ZBBX: variants seen among roughly 807,000 people sequenced by gnomAD.
ZBBX encodes zinc finger B-box domain-containing protein 1.
ZBBX carries 101 observed loss-of-function variants against 108.5 expected under a neutral mutation model. That is an observed-to-expected ratio of 0.93 (90% confidence interval 0.79 to 1.10). ZBBX has a LOEUF of 1.10. Among genes scored for constraint, ZBBX ranks in the 50% least tolerant of loss-of-function variants. ZBBX has a pLI of 0.00. For missense variants in ZBBX, 1,009 were observed against 941.4 expected (o/e 1.07, Z -0.94); for synonymous variants, 356 against 323.4 (o/e 1.10, Z -1.08).
chr3:167,198,198 T>C, the ZBBX span, among the ~76,000 whole-genome samples: 1,346 of 152,164 alleles, frequency 8.8e-3, 19 homozygotes, highest in African/African-American at 0.031. Flanking sequence ...TATGTTCTGA[T>C]AGTGTTATAT....
intron 4 of ZBBX, 142 bp from the exon 5 acceptor site, chr3:167,368,716 G>T: frequency 7.9e-7 from 1 of 1,271,796 alleles, no homozygotes; most frequent in Non-Finnish European, 9.9e-7. Context: ...TCCGAAATCT[G>T]GTTTTTAAAG....
At chr3:167,404,993 G>A (rs1301134726) in intron 1 of ZBBX, among the ~76,000 whole-genome samples, 1 of 152,182 alleles carries the variant, frequency 6.6e-6, no homozygotes, top group Non-Finnish European at 1.5e-5. Context: ...TCACTTAGAT[G>A]TCTGATACAA....
chr3:167,288,218 T>A (rs1236137964), intron 19 of ZBBX, among the ~76,000 whole-genome samples: 1 of 152,140 alleles, frequency 6.6e-6, no homozygotes, highest in African/African-American at 2.4e-5. Flanking sequence ...GGGATAACAG[T>A]AATGTCCTAA....
Position 167,268,233 on chromosome 3 carries a change from A to T in ZBBX, c.2254+14005T>A, listed in dbSNP as rs149334842. 2.4e-3 allele frequency among the ~76,000 whole-genome samples: 362 copies of T among 151,824 alleles called. 2 individuals are homozygous for T. Among genetic ancestry groups the T allele is most frequent in the African/African-American group, 7.4e-3 (305 of 41,366 alleles). Reference sequence around the variant, plus strand: ...AAGGAACTTAAGCCATTATTAGATGACCCTTATGGGTTAGCAGATCAAGTT... The same window carrying T: ...AAGGAACTTAAGCCATTATTAGATGTCCCTTATGGGTTAGCAGATCAAGTT... On this transcript the variant is annotated intron_variant, in intron 20 of 21. Coordinates refer to ENST00000675490, the MANE Select transcript of ZBBX (RefSeq NM_001199201.2).
At chr3:167,263,032 GTTC>G (rs753408035) in intron 20 of ZBBX, among the ~76,000 whole-genome samples, 6 of 111,034 alleles carry the variant, frequency 5.4e-5, no homozygotes, top group African/African-American at 1.3e-4. Flanking sequence ...TGCTTTTCTA[GTTC>G]TTTTTTTTTT....
chr3:167,334,722 C>G (rs985038639), intron 9 of ZBBX, among the ~76,000 whole-genome samples: 1 of 151,524 alleles, frequency 6.6e-6, no homozygotes, highest in African/African-American at 2.4e-5. Context: ...CTATGCACAC[C>G]CCCAAATAGA....
At chr3:167,194,451 T>G in the ZBBX span, among the ~76,000 whole-genome samples, 2 of 152,074 alleles carry the variant, frequency 1.3e-5, no homozygotes, top group Non-Finnish European at 2.9e-5. Flanking sequence ...TGTATTTCAA[T>G]TTCAAGTCCA....
the ZBBX span, among the ~76,000 whole-genome samples, chr3:167,200,288 C>G: frequency 3.3e-5 from 5 of 152,098 alleles, no homozygotes; most frequent in Non-Finnish European, 7.4e-5. Flanking sequence ...ATCAGATAAA[C>G]AATGAATATT....
intron 1 of ZBBX, among the ~76,000 whole-genome samples, chr3:167,400,342 T>C (rs1219987690): frequency 1.3e-5 from 2 of 152,188 alleles, no homozygotes; most frequent in East Asian, 3.9e-4. Context: ...AGCATTCCCT[T>C]TTCTCCGCAG....
At chr3:167,233,256 C>T in the ZBBX span, among the ~76,000 whole-genome samples, 3 of 151,956 alleles carry the variant, frequency 2.0e-5, no homozygotes, top group Admixed American at 1.3e-4. Context: ...ACTCTGGGCC[C>T]TCCTTAGGCT....
At chr3:167,182,746 A>G in the ZBBX span, among the ~76,000 whole-genome samples, 1 of 152,220 alleles carries the variant, frequency 6.6e-6, no homozygotes, top group Non-Finnish European at 1.5e-5. Flanking sequence ...TGTCCCAGTC[A>G]ATAGGAATCA....
chr3:167,293,760 CTGTT>C, intron 18 of ZBBX, among the ~76,000 whole-genome samples: 1 of 152,268 alleles, frequency 6.6e-6, no homozygotes, highest in South Asian at 2.1e-4. Context: ...CAAATTGTCT[CTGTT>C]TGCAGATGAC....
chr3:167,335,005 C>T (rs1739319359), intron 9 of ZBBX, among the ~76,000 whole-genome samples: 1 of 152,084 alleles, frequency 6.6e-6, no homozygotes, highest in Non-Finnish European at 1.5e-5. Context: ...TTTGCTTCTC[C>T]TCTGCATTCA....
chr3:167,178,533 T>A, the ZBBX span, among the ~76,000 whole-genome samples: 1 of 152,132 alleles, frequency 6.6e-6, no homozygotes, highest in Non-Finnish European at 1.5e-5. Flanking sequence ...TCAGCATCAG[T>A]CTTGACATGG....
chr3:167,354,771 G>A (rs1379641954), intron 8 of ZBBX, among the ~76,000 whole-genome samples: 3 of 151,722 alleles, frequency 2.0e-5, no homozygotes, highest in Admixed American at 2.0e-4. Context: ...ACACTATAAT[G>A]CAGAAAACTG....
At chr3:167,326,322 A>G (rs1393277262) in intron 11 of ZBBX, among the ~76,000 whole-genome samples, 2 of 152,168 alleles carry the variant, frequency 1.3e-5, no homozygotes, top group Non-Finnish European at 2.9e-5. Context: ...GTGTGTACAT[A>G]ACTATGGTTA....
intron 20 of ZBBX, among the ~76,000 whole-genome samples, chr3:167,274,744 T>C (rs1222383571): frequency 6.6e-6 from 1 of 152,182 alleles, no homozygotes; most frequent in African/African-American, 2.4e-5. Context: ...CCACTGTACC[T>C]CACGTCCCCC....
intron 19 of ZBBX, among the ~76,000 whole-genome samples, chr3:167,283,576 A>C (rs1729185536): frequency 6.6e-6 from 1 of 152,188 alleles, no homozygotes; most frequent in Non-Finnish European, 1.5e-5. Flanking sequence ...AAAAATATAA[A>C]ATTCAAAAAA....
chr3:167,298,734 T>A (rs1732095159), intron 17 of ZBBX, among the ~76,000 whole-genome samples: 1 of 152,106 alleles, frequency 6.6e-6, no homozygotes, highest in African/African-American at 2.4e-5. Context: ...TTCCTTTATT[T>A]TCATCCCTCA....
Sources: allele counts gnomAD v4.1 joint callset (sites outside exome capture counted in the v4.1 genomes callset), GRCh38; gene constraint gnomAD v4.1.1; transcripts MANE v1.5; gene names NCBI Gene and HGNC (gene_info 2026-07-23, HGNC 2026-07-21).